The following MGAT4C variants were observed in gnomAD, a reference collection of about 807,000 sequenced individuals.
MGAT4C encodes the protein alpha-1,3-mannosyl-glycoprotein 4-beta-N-acetylglucosaminyltransferase C.
A neutral mutation model predicts 40.1 loss-of-function variants in MGAT4C; 19 were observed. The ratio of observed to expected loss-of-function variants is 0.47; its 90% CI spans 0.33 to 0.70. The LOEUF is 0.70. Among genes scored for constraint, MGAT4C ranks in the 30% least tolerant of loss-of-function variants. MGAT4C has a pLI of 0.02. For missense variants in MGAT4C, 491 were observed against 563.2 expected, an observed-to-expected ratio of 0.87 and a Z score of 1.30; for synonymous variants, 181 against 187.1, an observed-to-expected ratio of 0.97 and a Z score of 0.27.
Position 86,315,704 on chromosome 12 carries a change from T to G in MGAT4C, c.-57+18361A>C, listed in dbSNP as rs567343697. Reference sequence around the variant, plus strand: ...CTGGGGGACAGGGCGAGACTCCGTTTCAAAGTAAAAAGAAAAAAGAAAAAT... The same window carrying G: ...CTGGGGGACAGGGCGAGACTCCGTTGCAAAGTAAAAAGAAAAAAGAAAAAT... On this transcript the variant is annotated intron_variant, in intron 4 of 7. Transcript: ENST00000548651. Among the ~76,000 whole-genome samples the G allele has an allele frequency of 2.0e-5, 3 of 151,976 alleles. No homozygotes were observed. In the East Asian group the frequency reaches 5.8e-4, roughly 30 times the overall value.
At position 86,700,625 on chromosome 12, in the gene MGAT4C, A is replaced by G. The variant is rs543135662; in HGVS notation, c.-229+26584T>C. ...AGTGGGTGCATATAGAGTTACATCTATATCTACTGAAACAGAAATAAAAGA... is the reference window on the plus strand; with the variant it reads ...AGTGGGTGCATATAGAGTTACATCTGTATCTACTGAAACAGAAATAAAAGA... On this transcript the variant is annotated intron_variant, in intron 2 of 7. Coordinates refer to the MGAT4C transcript ENST00000548651. Among the ~76,000 whole-genome samples the G allele has an allele frequency of 2.0e-5, 3 of 152,274 alleles. No individual in the cohort carries two copies. In the South Asian group the frequency reaches 6.2e-4, roughly 32 times the overall value.
chr12:86,703,488 T>C (rs1488063820), intron 2 of MGAT4C, among the ~76,000 whole-genome samples: 2 of 152,156 alleles, frequency 1.3e-5, no homozygotes, highest in Non-Finnish European at 2.9e-5. Flanking sequence ...GACATCAACA[T>C]TGAGGCAAGA....
rs1367424881 is a variant in MGAT4C at position 85,961,097 on chromosome 12, G to C, written c.*18192C>G. ...CACCAGGGCAAGAATTACAAATTGG[G>C]AGCAGGTAAGAAAATTGTTGTTGAC... On this transcript the variant is annotated 3_prime_UTR_variant, in exon 5 of 5. Coordinates refer to ENST00000611864, the MANE Select transcript of MGAT4C (RefSeq NM_001351288.2). 1 of 151,906 alleles carries C rather than the reference G, an allele frequency of 6.6e-6. No homozygotes were observed. The highest frequency in any genetic ancestry group is 2.4e-5 in the African/African-American group (1 of 41,420). The allele number at this position is 151,906 out of a possible 1,614,324, so 9.4% of individuals were successfully genotyped here.
chr12:86,455,675 C>A (rs1957497639), intron 2 of MGAT4C, among the ~76,000 whole-genome samples: 1 of 151,920 alleles, frequency 6.6e-6, no homozygotes, highest in East Asian at 1.9e-4. Context: ...GTTACAGAAA[C>A]AATAATGTTA....
At chr12:86,792,062 A>G (rs1377948788) in intron 1 of MGAT4C, among the ~76,000 whole-genome samples, 1 of 152,212 alleles carries the variant, frequency 6.6e-6, no homozygotes, top group Non-Finnish European at 1.5e-5. Flanking sequence ...CGTTGACAGA[A>G]AAATAGCATA....
intron 4 of MGAT4C, among the ~76,000 whole-genome samples, chr12:86,320,228 A>G (rs1008964498): frequency 3.9e-5 from 6 of 152,148 alleles, no homozygotes; most frequent in Admixed American, 1.3e-4. Context: ...ATATCTGATA[A>G]TGGCTTAATT....
chr12:86,187,080 T>A (rs1350978302), intron 1 of MGAT4C, among the ~76,000 whole-genome samples: 1 of 152,084 alleles, frequency 6.6e-6, no homozygotes, highest in East Asian at 1.9e-4. Context: ...TCTGCACATT[T>A]TTTTTCATGC....
At chr12:86,679,571 A>G (rs1413160772) in intron 2 of MGAT4C, among the ~76,000 whole-genome samples, 4 of 152,052 alleles carry the variant, frequency 2.6e-5, no homozygotes, top group Non-Finnish European at 5.9e-5. Context: ...CCTGTCCCCC[A>G]AGATGATAAT....
At chr12:86,764,424 C>A (rs1951465211) in intron 1 of MGAT4C, among the ~76,000 whole-genome samples, 1 of 152,146 alleles carries the variant, frequency 6.6e-6, no homozygotes, top group Non-Finnish European at 1.5e-5. Flanking sequence ...TAGGCTCCAC[C>A]TCTGGGGGCA....
chr12:86,411,138 T>A (rs1430612893), intron 3 of MGAT4C, among the ~76,000 whole-genome samples: 1 of 152,144 alleles, frequency 6.6e-6, no homozygotes, highest in African/African-American at 2.4e-5. Flanking sequence ...AAAATAGCAA[T>A]GTGAGAATGG....
chr12:86,086,091 G>C (rs1358365150), intron 1 of MGAT4C, among the ~76,000 whole-genome samples: 1 of 151,958 alleles, frequency 6.6e-6, no homozygotes, highest in Non-Finnish European at 1.5e-5. Context: ...GCATGTACAA[G>C]TATGTTTATT....
At chr12:86,569,905 T>C (rs1159181689) in intron 2 of MGAT4C, among the ~76,000 whole-genome samples, 2 of 152,128 alleles carry the variant, frequency 1.3e-5, no homozygotes, top group Admixed American at 6.6e-5. Context: ...TAAGACAATA[T>C]GGATGAACCT....
At chr12:86,086,382 T>C (rs1871846640) in intron 1 of MGAT4C, among the ~76,000 whole-genome samples, 1 of 151,728 alleles carries the variant, frequency 6.6e-6, no homozygotes, top group African/African-American at 2.4e-5. Flanking sequence ...CACCGGGGCC[T>C]TTTGCGGGTG....
chr12:86,439,786 T>C (rs992403322), intron 2 of MGAT4C, among the ~76,000 whole-genome samples: 2 of 151,728 alleles, frequency 1.3e-5, no homozygotes, highest in African/African-American at 4.8e-5. Context: ...GAAATTAAAA[T>C]AGAGACATTA....
At chr12:86,679,492 G>T (rs1363652914) in intron 2 of MGAT4C, among the ~76,000 whole-genome samples, 1 of 151,920 alleles carries the variant, frequency 6.6e-6, no homozygotes, top group Non-Finnish European at 1.5e-5. Context: ...CTTGAAATAT[G>T]ACAAGATTGT....
intron 4 of MGAT4C, among the ~76,000 whole-genome samples, chr12:86,333,678 A>C (rs1954723098): frequency 6.6e-6 from 1 of 152,192 alleles, no homozygotes; most frequent in African/African-American, 2.4e-5. Flanking sequence ...ATATGTCCTA[A>C]GTATTTAGGC....
At chr12:86,787,625 C>T (rs1404872574) in intron 1 of MGAT4C, among the ~76,000 whole-genome samples, 1 of 152,010 alleles carries the variant, frequency 6.6e-6, no homozygotes, top group Non-Finnish European at 1.5e-5. Flanking sequence ...AAAACAACAG[C>T]TATTGGCAAG....
intron 3 of MGAT4C, among the ~76,000 whole-genome samples, chr12:86,354,918 CAA>C (rs1264219167): frequency 1.3e-5 from 2 of 152,190 alleles, no homozygotes; most frequent in Non-Finnish European, 2.9e-5. Context: ...AGCAAAAGAA[CAA>C]AGTTTCCACA....
chr12:86,241,129 T>C (rs924997495), intron 1 of MGAT4C, among the ~76,000 whole-genome samples: 2 of 152,282 alleles, frequency 1.3e-5, no homozygotes, highest in East Asian at 1.9e-4. Flanking sequence ...GTACATAATA[T>C]CCATCTGTCC....
Sources: gnomAD v4.1 joint callset for allele counts (sites outside exome capture counted in the v4.1 genomes callset) on GRCh38, gnomAD v4.1.1 for gene constraint, MANE v1.5 for transcripts, NCBI Gene and HGNC (gene_info 2026-07-23, HGNC 2026-07-21) for gene names.